NCALD: variants seen among roughly 807,000 people sequenced by gnomAD.
NCALD encodes neurocalcin-delta.
NCALD carries 10 observed loss-of-function variants against 18.6 expected under a neutral mutation model. The ratio of observed to expected loss-of-function variants is 0.54; its 90% CI spans 0.33 to 0.91. The LOEUF (loss-of-function observed/expected upper bound fraction) is 0.91. Ranked by LOEUF, NCALD falls within the 40% of genes least tolerant of loss-of-function variation. The pLI, the probability that NCALD is intolerant of heterozygous loss-of-function variation, is 0.03. For missense variants in NCALD, 184 were observed against 247.6 expected (o/e 0.74, Z 1.72); for synonymous variants, 88 against 87.4 (o/e 1.01, Z -0.04).
intron 1 of NCALD, among the ~76,000 whole-genome samples, chr8:102,101,427 G>C (rs1287071603): frequency 6.6e-6 from 1 of 152,214 alleles, no homozygotes; most frequent in South Asian, 2.1e-4. Context: ...TGGTGAATTA[G>C]CAGCCCTCTA....
chr8:101,977,391 T>C (rs1327435293), intron 2 of NCALD, among the ~76,000 whole-genome samples: 1 of 152,190 alleles, frequency 6.6e-6, no homozygotes, highest in African/African-American at 2.4e-5. Flanking sequence ...TCTAAGAGAA[T>C]TGGGAGATTT....
chr8:101,708,306 A>G (rs1011726491), intron 2 of NCALD, among the ~76,000 whole-genome samples: 1 of 152,248 alleles, frequency 6.6e-6, no homozygotes, highest in Non-Finnish European at 1.5e-5. Context: ...CAGCAGGTAG[A>G]GAAGCTAGGG....
intron 1 of NCALD, among the ~76,000 whole-genome samples, chr8:101,777,579 T>C (rs1449564752): frequency 2.0e-5 from 3 of 152,164 alleles, no homozygotes; most frequent in Non-Finnish European, 2.9e-5. Context: ...TTGGGGGTGC[T>C]GTCTGGGCCA....
intron 2 of NCALD, among the ~76,000 whole-genome samples, chr8:102,016,340 G>T (rs1822083323): frequency 6.6e-6 from 1 of 152,122 alleles, no homozygotes; most frequent in African/African-American, 2.4e-5. Context: ...GAAACATAAG[G>T]CCTACCTAAG....
At position 102,055,183 on chromosome 8, in the gene NCALD, C is replaced by T. The variant is rs115587102; in HGVS notation, c.-209-34894G>A. Among the ~76,000 whole-genome samples, 676 of 150,872 alleles carry T rather than the reference C, an allele frequency of 4.5e-3. 6 individuals carry two copies. Among genetic ancestry groups the T allele is most frequent in the African/African-American group, 0.016 (649 of 41,074 alleles). The stretch of plus-strand genomic sequence containing the variant: ...AGTGCATTTACACAAAGGCGCCACT[C>T]GGTGAGACAATTTCAAAACTATCTC... On this transcript the variant is annotated intron_variant, in intron 1 of 6. Transcript: ENST00000311028.
Position 102,091,990 on chromosome 8 carries a change from T to G in NCALD, c.-210+32247A>C, listed in dbSNP as rs995937856. Among the ~76,000 whole-genome samples the G allele has an allele frequency of 5.3e-5, 8 of 152,268 alleles. No individual in the cohort carries two copies. In the East Asian group the frequency reaches 1.5e-3, roughly 29 times the overall value. On this transcript the variant is annotated intron_variant, in intron 1 of 6. Transcript: ENST00000311028. ...CAGAGCAAATTCATCTTGAATAGGG[T>G]CTGGGTAAAATGAGGCTGAGACGTA...
intron 1 of NCALD, among the ~76,000 whole-genome samples, chr8:102,051,679 C>T (rs758845324): frequency 1.3e-5 from 2 of 152,188 alleles, no homozygotes; most frequent in Admixed American, 6.5e-5. Context: ...TGTTCCTGAG[C>T]TGACATTTGC....
At chr8:102,086,084 C>T (rs1334175033) in intron 1 of NCALD, among the ~76,000 whole-genome samples, 1 of 152,038 alleles carries the variant, frequency 6.6e-6, no homozygotes, top group Non-Finnish European at 1.5e-5. Context: ...TAAATTTGGG[C>T]ACCTAAAATT....
chr8:101,845,312 G>A (rs543835328), intron 4 of NCALD, among the ~76,000 whole-genome samples: 1 of 152,310 alleles, frequency 6.6e-6, no homozygotes, highest in East Asian at 1.9e-4. Flanking sequence ...GGATCTGCCT[G>A]TGGACCATGC....
intron 4 of NCALD, among the ~76,000 whole-genome samples, chr8:101,828,475 T>C (rs996115439): frequency 2.6e-5 from 4 of 152,170 alleles, no homozygotes; most frequent in Non-Finnish European, 5.9e-5. Flanking sequence ...TCTCACCTAT[T>C]TGGGGTCTGT....
chr8:102,102,608 G>A (rs1034843408), intron 1 of NCALD, among the ~76,000 whole-genome samples: 3 of 152,156 alleles, frequency 2.0e-5, no homozygotes, highest in Non-Finnish European at 4.4e-5. Flanking sequence ...CCCAGCTTCC[G>A]AGGCATGACC....
chr8:101,803,095 T>C (rs1043062939), intron 4 of NCALD, among the ~76,000 whole-genome samples: 1 of 152,108 alleles, frequency 6.6e-6, no homozygotes, highest in Non-Finnish European at 1.5e-5. Context: ...GAGAAGTCAA[T>C]GGCTGGCTTC....
intron 3 of NCALD, among the ~76,000 whole-genome samples, chr8:101,912,168 T>A (rs912166339): frequency 6.9e-4 from 105 of 152,104 alleles, no homozygotes; most frequent in African/African-American, 2.4e-3. Flanking sequence ...ATATAAAATT[T>A]ACAAACATCA....
chr8:101,692,281 G>A (rs2129962353), intron 3 of NCALD: 1 of 985,364 alleles, frequency 1.0e-6, no homozygotes, highest in Non-Finnish European at 1.2e-6. Context: ...ACTACCCCGG[G>A]CACCCCAGTG....
chr8:101,703,955 C>A (rs1232591542), intron 2 of NCALD, among the ~76,000 whole-genome samples: 3 of 152,166 alleles, frequency 2.0e-5, no homozygotes, highest in Admixed American at 1.3e-4. Flanking sequence ...GGAAAGACTG[C>A]CTGGCCCTCC....
intron 4 of NCALD, among the ~76,000 whole-genome samples, chr8:101,859,643 T>C (rs1815459808): frequency 6.6e-6 from 1 of 152,056 alleles, no homozygotes; most frequent in African/African-American, 2.4e-5. Context: ...ATAAAGAATT[T>C]TGGAGACACA....
At chr8:101,978,647 TG>T (rs1820511048) in intron 2 of NCALD, among the ~76,000 whole-genome samples, 1 of 109,408 alleles carries the variant, frequency 9.1e-6, no homozygotes, top group African/African-American at 5.3e-5. Flanking sequence ...TGTGTGCAGG[TG>T]GTGGTGGTGG....
At chr8:101,938,394 G>A (rs1310613474) in intron 2 of NCALD, among the ~76,000 whole-genome samples, 2 of 152,128 alleles carry the variant, frequency 1.3e-5, no homozygotes, top group Non-Finnish European at 1.5e-5. Flanking sequence ...AGTCCTCCAC[G>A]GTTACATAGT....
At chr8:101,798,968 T>C (rs1812740916) in intron 4 of NCALD, among the ~76,000 whole-genome samples, 1 of 152,144 alleles carries the variant, frequency 6.6e-6, no homozygotes, top group South Asian at 2.1e-4. Flanking sequence ...ACAAAATAAG[T>C]AATTGATAAT....
Sources: gnomAD v4.1 joint callset for allele counts (sites outside exome capture counted in the v4.1 genomes callset) on GRCh38, gnomAD v4.1.1 for gene constraint, MANE v1.5 for transcripts, NCBI Gene and HGNC (gene_info 2026-07-23, HGNC 2026-07-21) for gene names.